NFIA: variants seen among roughly 807,000 people sequenced by gnomAD.
NFIA encodes nuclear factor I A, also known as nuclear factor 1 A-type.
In NFIA, 8 loss-of-function variants were observed where a neutral mutation model predicts 62.8. The observed-to-expected ratio is 0.13, with a 90% CI of 0.07 to 0.23. The LOEUF (loss-of-function observed/expected upper bound fraction) is 0.23, where lower values mean the gene tolerates loss of function less well. Among genes scored for constraint, NFIA ranks in the 10% least tolerant of loss-of-function variants. The probability of loss-of-function intolerance (pLI) is 1.00; values close to 1 mark genes in which losing one functional copy is unlikely to be tolerated. For synonymous variants in NFIA, 235 were observed against 238.1 expected (o/e 0.99, Z 0.12); for missense variants, 410 against 642.1 (o/e 0.64, Z 3.91).
intron 2 of NFIA, among the ~76,000 whole-genome samples, chr1:61,261,399 A>G (rs1485404891): frequency 1.3e-5 from 2 of 152,242 alleles, no homozygotes; most frequent in Non-Finnish European, 2.9e-5. Context: ...TACATGAGAT[A>G]TTTAACACTT....
At chr1:61,107,815 C>T (rs1646630021) in intron 2 of NFIA, among the ~76,000 whole-genome samples, 1 of 151,470 alleles carries the variant, frequency 6.6e-6, no homozygotes. Context: ...GGTTTGTATT[C>T]CATCCGGAAT....
At chr1:61,327,663 G>A (rs1433060730) in intron 3 of NFIA, among the ~76,000 whole-genome samples, 1 of 151,862 alleles carries the variant, frequency 6.6e-6, no homozygotes. Flanking sequence ...CCGCTCCTTG[G>A]CCAATGGGCA....
At chr1:61,165,502 A>G (rs1006288109) in intron 2 of NFIA, among the ~76,000 whole-genome samples, 3 of 152,214 alleles carry the variant, frequency 2.0e-5, no homozygotes, top group Non-Finnish European at 4.4e-5. Flanking sequence ...AAGAACTCCA[A>G]ATCACAGCTA....
intron 10 of NFIA, among the ~76,000 whole-genome samples, chr1:61,453,375 A>G (rs1337058122): frequency 6.7e-6 from 1 of 149,548 alleles, no homozygotes; most frequent in Non-Finnish European, 1.5e-5. Flanking sequence ...TCAGTGAAGG[A>G]TTACAGAGCT....
rs148056021 is a variant in NFIA, at chr1:61,291,406, T to C, written c.625+13821T>C. On this transcript the variant is annotated intron_variant, in intron 3 of 10. Coordinates refer to ENST00000403491, the MANE Select transcript of NFIA (RefSeq NM_001134673.4). ...GTTTCATAGCCCAATCACATGTAAG[T>C]GTGTAGAACATTTGAGTTTTGGACT... 5.2e-3 allele frequency among the ~76,000 whole-genome samples: 793 copies of C among 152,322 alleles called. 5 individuals carry two copies. The highest frequency in any genetic ancestry group is 0.018 in the African/African-American group (742 of 41,572).
At chr1:61,187,614 G>A (rs1651288482) in intron 2 of NFIA, among the ~76,000 whole-genome samples, 1 of 152,212 alleles carries the variant, frequency 6.6e-6, no homozygotes, top group African/African-American at 2.4e-5. Context: ...TCTAGACTCA[G>A]TACCACAGAC....
chr1:61,108,839 C>T (rs1187028761), intron 2 of NFIA, among the ~76,000 whole-genome samples: 55 of 151,742 alleles, frequency 3.6e-4, no homozygotes, highest in Admixed American at 3.6e-3. Context: ...TCAGATTCTC[C>T]TCACAAATTA....
chr1:61,397,472 A>T (rs1665336429), intron 7 of NFIA, among the ~76,000 whole-genome samples: 1 of 152,126 alleles, frequency 6.6e-6, no homozygotes, highest in African/African-American at 2.4e-5. Context: ...CATGTATTCT[A>T]CAATCAGAAC....
intron 2 of NFIA, among the ~76,000 whole-genome samples, chr1:61,255,271 G>A (rs978703338): frequency 6.6e-6 from 1 of 152,210 alleles, no homozygotes; most frequent in East Asian, 1.9e-4. Flanking sequence ...TGAGACCACA[G>A]TGTTGCTGTG....
chr1:61,208,982 G>A (rs1344151364), intron 2 of NFIA, among the ~76,000 whole-genome samples: 1 of 152,076 alleles, frequency 6.6e-6, no homozygotes, highest in Non-Finnish European at 1.5e-5. Flanking sequence ...TTTAATTAGG[G>A]GACCAGAGTA....
At chr1:61,322,174 A>C (rs1660711822) in intron 3 of NFIA, among the ~76,000 whole-genome samples, 2 of 152,216 alleles carry the variant, frequency 1.3e-5, no homozygotes, top group South Asian at 4.1e-4. Context: ...TTAATAATAC[A>C]TACTGTACTA....
intron 2 of NFIA, among the ~76,000 whole-genome samples, chr1:61,110,680 T>C (rs1336979449): frequency 1.3e-5 from 2 of 151,988 alleles, no homozygotes; most frequent in Non-Finnish European, 2.9e-5. Context: ...AAATCACTAC[T>C]TTTAGAGGAT....
chr1:61,232,967 A>G (rs553793065), intron 2 of NFIA, among the ~76,000 whole-genome samples: 39 of 151,704 alleles, frequency 2.6e-4, no homozygotes, highest in South Asian at 1.0e-3. Context: ...GGTTTGTTCT[A>G]TTTTTTTCTC....
In NFIA at chr1:61,388,333, ATTT is replaced by A. The variant is rs142133849; in HGVS notation, c.1075+4969_1075+4971del. ...CTTAAAATTGTAACCATAGTAAAGT[ATTT>A]ACTCATGACTATTTGTCTTATTCAT... On this transcript the variant is annotated intron_variant, in intron 7 of 10. Coordinates refer to ENST00000403491, the MANE Select transcript of NFIA (RefSeq NM_001134673.4). 7.0e-3 allele frequency among the ~76,000 whole-genome samples: 1,072 copies of A among 152,310 alleles called. 10 individuals are homozygous for A. The highest frequency in any genetic ancestry group is 0.024 in the African/African-American group (1,007 of 41,568).
At chr1:61,301,340 T>TAA (rs1356484216) in intron 3 of NFIA, among the ~76,000 whole-genome samples, 1 of 152,188 alleles carries the variant, frequency 6.6e-6, no homozygotes, top group Non-Finnish European at 1.5e-5. Flanking sequence ...AGGACTTTTA[T>TAA]AAGAGCTGGA....
chr1:61,193,801 A>G (rs2100578999), intron 2 of NFIA, among the ~76,000 whole-genome samples: 1 of 152,320 alleles, frequency 6.6e-6, no homozygotes, highest in East Asian at 1.9e-4. Context: ...TTTCCCCAGT[A>G]TGTCCTTAGT....
At chr1:61,251,103 T>G (rs184113453) in intron 2 of NFIA, 1 of 152,354 alleles carries the variant, frequency 6.6e-6, no homozygotes, top group East Asian at 1.9e-4. Context: ...CACTCTCTGC[T>G]TCAAAGGCTT....
intron 6 of NFIA, among the ~76,000 whole-genome samples, chr1:61,367,061 G>T (rs1256090876): frequency 6.6e-6 from 1 of 152,146 alleles, no homozygotes; most frequent in Non-Finnish European, 1.5e-5. Flanking sequence ...AGCGACCCAG[G>T]GCATTCAGAA....
At chr1:61,154,556 T>A (rs1280409280) in intron 2 of NFIA, among the ~76,000 whole-genome samples, 1 of 152,186 alleles carries the variant, frequency 6.6e-6, no homozygotes, top group Non-Finnish European at 1.5e-5. Flanking sequence ...GCTCAAGTGA[T>A]CCTCCCACCT....
Sources: gnomAD v4.1 joint callset for allele counts (sites outside exome capture counted in the v4.1 genomes callset) on GRCh38, gnomAD v4.1.1 for gene constraint, MANE v1.5 for transcripts, NCBI Gene and HGNC (gene_info 2026-07-23, HGNC 2026-07-21) for gene names.